ZNF184: variants seen among roughly 807,000 people sequenced by gnomAD.
ZNF184 encodes the protein zinc finger protein 184 (Kruppel-like).
Under a neutral mutation model 54.4 loss-of-function variants are expected in ZNF184, and 16 were observed. The observed-to-expected ratio is 0.29, with a 90% CI of 0.20 to 0.45. The LOEUF (loss-of-function observed/expected upper bound fraction) is 0.45, where lower values mean the gene tolerates loss of function less well. Among genes scored for constraint, ZNF184 ranks in the 20% least tolerant of loss-of-function variants. The probability of loss-of-function intolerance (pLI) is 1.00; values close to 1 mark genes in which losing one functional copy is unlikely to be tolerated. For synonymous variants in ZNF184, 254 were observed against 295.3 expected, an observed-to-expected ratio of 0.86 and a Z score of 1.43; for missense variants, 681 against 888.2, an observed-to-expected ratio of 0.77 and a Z score of 2.97.
intron 3 of ZNF184, among the ~76,000 whole-genome samples, chr6:27,462,103 G>C (rs1269182678): frequency 6.6e-6 from 1 of 152,182 alleles, no homozygotes; most frequent in Admixed American, 6.5e-5. Context: ...AATAGGCTGA[G>C]ACTAAATGCT....
chr6:27,435,568 A>ACT, the ZNF184 span, among the ~76,000 whole-genome samples: 3 of 152,174 alleles, frequency 2.0e-5, no homozygotes, highest in Non-Finnish European at 1.5e-5. Context: ...TGCACATAAA[A>ACT]TCAAGCCATC....
At chr6:27,410,787 C>T in the ZNF184 span, among the ~76,000 whole-genome samples, 1 of 152,202 alleles carries the variant, frequency 6.6e-6, no homozygotes, top group African/African-American at 2.4e-5. Context: ...CTGCCTTGGC[C>T]TCCCAAATTG....
chr6:27,451,476 C>T lies in ZNF184; in HGVS notation c.2083G>A (p.Glu695Lys). ...LTEHQNTHTG[E>K]KPYNCNECRK... ...CATTCATTACAGTTATAAGGTTTCTCTCCAGTATGAGTATTCTGATGTTCA... is the reference window on the plus strand; with the variant it reads ...CATTCATTACAGTTATAAGGTTTCTTTCCAGTATGAGTATTCTGATGTTCA... Residue 695 changes from glutamate (E) to lysine (K), a missense_variant, in exon 6 of 6, where the codon GAG (glutamate) becomes AAG (lysine). Physicochemically the swap from Glu to Lys is moderately conservative, Grantham distance 56. Coordinates refer to ENST00000683788, the MANE Select transcript of ZNF184 (RefSeq NM_001318891.2). The T allele has an allele frequency of 6.2e-7, 1 of 1,614,136 alleles. No homozygotes were observed. The highest frequency in any genetic ancestry group is 8.5e-7 in the Non-Finnish European group (1 of 1,179,998).
chr6:27,459,820 T>C (rs1228558911), intron 3 of ZNF184, among the ~76,000 whole-genome samples: 2 of 152,218 alleles, frequency 1.3e-5, no homozygotes, highest in South Asian at 2.1e-4. Context: ...AAACACTTTA[T>C]ATAGATAGTT....
Position 27,451,967 on chromosome 6 carries a change from T to A in ZNF184, c.1592A>T (p.Glu531Val). The A allele has an allele frequency of 6.2e-7, 1 of 1,613,630 alleles. No homozygotes were observed. The highest frequency in any genetic ancestry group is 8.5e-7 in the Non-Finnish European group (1 of 1,180,000). The change falls in exon 6 of 6, where the codon GAA becomes GTA. Residue 531 changes from glutamate (E) to valine (V), a missense_variant. By Grantham distance (121) the Glu-to-Val change is moderately radical. Coordinates refer to ENST00000683788, the MANE Select transcript of ZNF184 (RefSeq NM_001318891.2). ...AAAAGCTTTCCCACATTCTTTACAT[T>A]CATAAGCTTTCTCTTGAGTATGAGT... ...QKTHTQEKAY[E>V]CKECGKAFIR...
At chr6:27,433,538 T>C in the ZNF184 span, among the ~76,000 whole-genome samples, 1 of 152,206 alleles carries the variant, frequency 6.6e-6, no homozygotes, top group Non-Finnish European at 1.5e-5. Context: ...CTACTTTATG[T>C]CTCTGTAAGT....
intron 2 of ZNF184, 107 bp from the exon 3 acceptor site, chr6:27,468,027 T>C: frequency 1.0e-6 from 1 of 961,264 alleles, no homozygotes; most frequent in Non-Finnish European, 1.5e-6. Context: ...AACTATGCCA[T>C]TTCCTTTATA....
the ZNF184 span, among the ~76,000 whole-genome samples, chr6:27,411,991 C>T: frequency 2.0e-5 from 3 of 152,190 alleles, no homozygotes; most frequent in South Asian, 2.1e-4. Flanking sequence ...ACTCTCTGGA[C>T]GTGCTCCTGG....
At chr6:27,469,986 C>T (rs187211788) in intron 2 of ZNF184, among the ~76,000 whole-genome samples, 10 of 69,494 alleles carry the variant, frequency 1.4e-4, no homozygotes, top group African/African-American at 3.8e-4. Flanking sequence ...TGGACAGAAC[C>T]CAAGGGAATC....
At position 27,451,095 on chromosome 6, in the gene ZNF184, C is replaced by T. The variant is rs1226691752; in HGVS notation, c.*208G>A. On this transcript the variant is annotated 3_prime_UTR_variant, in exon 6 of 6. Coordinates refer to ENST00000683788, the MANE Select transcript of ZNF184 (RefSeq NM_001318891.2). ...CTTCATTCCATAAAGGAAACTAAAGCTTAAAACAGTAGAGTTTTCTAATGT... is the reference window on the plus strand; with the variant it reads ...CTTCATTCCATAAAGGAAACTAAAGTTTAAAACAGTAGAGTTTTCTAATGT... 2 of 495,798 alleles carry T rather than the reference C, an allele frequency of 4.0e-6. No individual in the cohort carries two copies. The highest frequency in any genetic ancestry group is 6.8e-6 in the Non-Finnish European group (2 of 295,654). The allele number at this position is 495,798 out of a possible 1,614,324, so 30.7% of individuals were successfully genotyped here. A position where few individuals can be genotyped will look rare whatever the true frequency, so the allele number is the denominator to read the frequency against.
the ZNF184 span, among the ~76,000 whole-genome samples, chr6:27,441,720 G>A: frequency 6.6e-6 from 1 of 152,172 alleles, no homozygotes; most frequent in Non-Finnish European, 1.5e-5. Flanking sequence ...TATTGCTATA[G>A]TCATAATCCA....
intron 4 of ZNF184, 150 bp downstream of exon 4, chr6:27,457,133 C>T (rs552428617): frequency 2.4e-5 from 28 of 1,146,640 alleles, no homozygotes; most frequent in Non-Finnish European, 3.2e-5. Flanking sequence ...TTATTTTGTC[C>T]CTCTGCTTGC....
chr6:27,434,804 C>T, the ZNF184 span, among the ~76,000 whole-genome samples: 4 of 152,058 alleles, frequency 2.6e-5, 1 homozygote, highest in South Asian at 4.1e-4. Flanking sequence ...ACATTTAGGT[C>T]TTTGATCCAT....
At chr6:27,405,364 G>C in the ZNF184 span, 2 of 151,884 alleles carry the variant, frequency 1.3e-5, no homozygotes, top group Admixed American at 1.3e-4. Context: ...CTGCCCCGCT[G>C]TCTACACCTG....
At chr6:27,421,424 G>T in the ZNF184 span, among the ~76,000 whole-genome samples, 1 of 152,058 alleles carries the variant, frequency 6.6e-6, no homozygotes, top group East Asian at 1.9e-4. Context: ...TCCAATCTTA[G>T]GACCAAAAAG....
the ZNF184 span, among the ~76,000 whole-genome samples, chr6:27,422,801 A>G: frequency 6.6e-6 from 1 of 152,070 alleles, no homozygotes; most frequent in Non-Finnish European, 1.5e-5. Flanking sequence ...ACTTTTCCCC[A>G]TTGTCAAACA....
intron 4 of ZNF184, 58 bp downstream of exon 4, chr6:27,457,225 A>G (rs181590740): frequency 6.3e-7 from 1 of 1,580,130 alleles, no homozygotes; most frequent in Admixed American, 1.8e-5. Flanking sequence ...CCCTGAGCAC[A>G]AGAGAGAACC....
At chr6:27,428,348 T>A in the ZNF184 span, among the ~76,000 whole-genome samples, 1 of 152,204 alleles carries the variant, frequency 6.6e-6, no homozygotes, top group African/African-American at 2.4e-5. This position sits in a 1 kb window ranked among gnomAD's most constrained non-coding sequence, Gnocchi z 4.1. Flanking sequence ...TACTCAGGAT[T>A]TACTAGGATT....
the ZNF184 span, among the ~76,000 whole-genome samples, chr6:27,443,442 A>G: frequency 1.6e-4 from 25 of 152,204 alleles, no homozygotes; most frequent in Admixed American, 1.1e-3. Context: ...ACTTCCCATG[A>G]CTGCTCAGAC....
Sources: allele counts gnomAD v4.1 joint callset (sites outside exome capture counted in the v4.1 genomes callset), GRCh38; gene constraint gnomAD v4.1.1; non-coding constraint Gnocchi (gnomAD v3.1); transcripts MANE v1.5; gene names NCBI Gene and HGNC (gene_info 2026-07-23, HGNC 2026-07-21).